AAAS: variants seen among roughly 807,000 people sequenced by gnomAD.
The protein encoded by AAAS is aladin.
In AAAS, 60 loss-of-function variants were observed where a neutral mutation model predicts 75.6. The observed-to-expected ratio is 0.79, with a 90% CI of 0.64 to 0.98. The LOEUF (loss-of-function observed/expected upper bound fraction) is 0.98, where lower values mean the gene tolerates loss of function less well. Ranked by LOEUF, AAAS falls within the 50% of genes least tolerant of loss-of-function variation. The pLI, the probability that AAAS is intolerant of heterozygous loss-of-function variation, is 0.00. For missense variants in AAAS, 658 were observed against 686.9 expected, an observed-to-expected ratio of 0.96 and a Z score of 0.47; for synonymous variants, 271 against 265.0, an observed-to-expected ratio of 1.02 and a Z score of -0.22.
intron 7 of AAAS, among the ~76,000 whole-genome samples, chr12:53,312,799 A>G (rs996994566): frequency 1.3e-5 from 2 of 149,056 alleles, no homozygotes; most frequent in Non-Finnish European, 3.0e-5. Flanking sequence ...ATATATATAT[A>G]CGTGTATATA....
intron 1 of AAAS, 110 bp downstream of exon 1, chr12:53,321,233 C>A (rs1262802876): frequency 3.3e-6 from 5 of 1,520,012 alleles, no homozygotes; most frequent in Admixed American, 1.9e-5. Context: ...CAAGCTGTTT[C>A]CACTCCGCCA....
chr12:53,307,982 T>C, intron 14 of AAAS, 53 bp from the exon 15 acceptor site: 1 of 1,612,418 alleles, frequency 6.2e-7, no homozygotes, highest in Non-Finnish European at 8.5e-7. Flanking sequence ...CTGAATGTAG[T>C]GGGATGTGGG....
rs1944318011 is a variant in AAAS, at chr12:53,307,983, G to A, written c.1332-54C>T. ...AGGCAAGAAGGGAGCTGAATGTAGT[G>A]GGATGTGGGTTTGTTTGTGCAGGAA... On this transcript the variant is annotated intron_variant, in intron 14 of 15. Coordinates refer to ENST00000209873, the MANE Select transcript of AAAS (RefSeq NM_015665.6). The A allele has an allele frequency of 2.5e-6, 4 of 1,612,406 alleles. No homozygotes were observed. In the South Asian group the frequency reaches 4.4e-5, roughly 18 times the overall value.
intron 2 of AAAS, among the ~76,000 whole-genome samples, chr12:53,319,023 T>C (rs946016273): frequency 2.0e-5 from 3 of 152,276 alleles, no homozygotes; most frequent in Admixed American, 6.5e-5. Flanking sequence ...GCACATGTGT[T>C]GGAAAACAGG....
At chr12:53,311,647 G>C (rs1375493025) in intron 7 of AAAS, among the ~76,000 whole-genome samples, 1 of 152,076 alleles carries the variant, frequency 6.6e-6, no homozygotes, top group Non-Finnish European at 1.5e-5. Flanking sequence ...AGTTGCAGCG[G>C]CTCATGCCTG....
In AAAS at chr12:53,314,358, G is replaced by A; in HGVS notation, c.629C>T (p.Ala210Val). 2 of 1,614,188 alleles carry A rather than the reference G, an allele frequency of 1.2e-6. No individual in the cohort carries two copies. The highest frequency in any genetic ancestry group is 1.7e-6 in the Non-Finnish European group (2 of 1,180,030). ...AWKPLSASVL[A>V]VACQSCILIW... ...AAGAATGCAGCTCTGGCAGGCCACAGCCAAGACAGAGGCACTAAGGGGCTT... is the reference window on the plus strand; with the variant it reads ...AAGAATGCAGCTCTGGCAGGCCACAACCAAGACAGAGGCACTAAGGGGCTT... Residue 210 changes from alanine (A) to valine (V), a missense_variant, in exon 7 of 16, where the codon GCT becomes GTT. By Grantham distance (64) the Ala-to-Val change is moderately conservative. Transcript: ENST00000209873.
chr12:53,319,334 T>C (rs368714138), intron 2 of AAAS, among the ~76,000 whole-genome samples: 14 of 151,910 alleles, frequency 9.2e-5, no homozygotes, highest in African/African-American at 2.9e-4. Flanking sequence ...GGAATAAAGG[T>C]GCATGCCACC....
chr12:53,319,046 C>T (rs1944511407), intron 2 of AAAS, among the ~76,000 whole-genome samples: 1 of 152,208 alleles, frequency 6.6e-6, no homozygotes, highest in South Asian at 2.1e-4. Context: ...CTCCCATACA[C>T]TGCTGGTGGG....
chr12:53,318,939 AAC>A (rs1944509450), intron 2 of AAAS, among the ~76,000 whole-genome samples: 2 of 152,152 alleles, frequency 1.3e-5, no homozygotes, highest in Non-Finnish European at 2.9e-5. Flanking sequence ...CTTTTCAACA[AAC>A]TGATATTCAA....
rs1944305442 is a variant in AAAS at position 53,307,565 on chromosome 12, G to T, written c.1565C>A (p.Ser522Tyr). The T allele has an allele frequency of 6.2e-7, 1 of 1,614,208 alleles. No individual in the cohort carries two copies. Among genetic ancestry groups the T allele is most frequent in the East Asian group, 2.2e-5 (1 of 44,888 alleles). Reference protein sequence around the residue: ...IHDLPLFTETSPTSAPWDPLP... With the variant: ...IHDLPLFTETYPTSAPWDPLP... ...AGGGTCCCAAGGGGCAGAGGTTGGG[G>T]ATGTCTCAGTAAAGAGGGGCAGGTC... The change falls in exon 16 of 16, where the codon TCC becomes TAC. Residue 522 changes from serine to tyrosine, a missense_variant. Coordinates refer to ENST00000209873, the MANE Select transcript of AAAS (RefSeq NM_015665.6).
chr12:53,309,804 A>T, intron 7 of AAAS, 83 bp from the exon 8 acceptor site: 1 of 1,569,446 alleles, frequency 6.4e-7, no homozygotes, highest in South Asian at 1.2e-5. Flanking sequence ...TCCTGCTAAA[A>T]CCTCCTATCC....
chr12:53,310,540 C>A (rs1944372779), intron 7 of AAAS, among the ~76,000 whole-genome samples: 1 of 146,402 alleles, frequency 6.8e-6, no homozygotes, highest in South Asian at 2.1e-4. Context: ...AGCCTGGCGA[C>A]AGAGCGAGAC....
intron 11 of AAAS, 67 bp downstream of exon 11, chr12:53,308,658 T>C (rs1378432901): frequency 6.2e-7 from 1 of 1,600,670 alleles, no homozygotes; most frequent in Admixed American, 1.7e-5. Context: ...CCCTCAGAGC[T>C]GCATCTTACC....
In AAAS at chr12:53,308,530, T is replaced by C. The variant is rs771163929; in HGVS notation, c.1088-2A>G. The C allele has an allele frequency of 1.2e-6, 2 of 1,614,158 alleles. No homozygotes were observed. The highest frequency in any genetic ancestry group is 1.7e-6 in the Non-Finnish European group (2 of 1,180,034). On this transcript the variant is annotated splice_acceptor_variant, in intron 11 of 15. Coordinates refer to ENST00000209873, the MANE Select transcript of AAAS (RefSeq NM_015665.6). LOFTEE classifies it high-confidence loss of function. Reference sequence around the variant, plus strand: ...CTCCAACGCACCCCTTTCCCTCACCTGTGGACAAATAAGAGCAGAGAGGTT... The same window carrying C: ...CTCCAACGCACCCCTTTCCCTCACCCGTGGACAAATAAGAGCAGAGAGGTT...
Position 53,308,536 on chromosome 12 carries a change from CAAAT to C in AAAS, c.1088-12_1088-9del, listed in dbSNP as rs1194052281. On this transcript the variant is annotated splice_polypyrimidine_tract_variant and intron_variant, in intron 11 of 15. Transcript: ENST00000209873. ...CGCACCCCTTTCCCTCACCTGTGGA[CAAAT>C]AAGAGCAGAGAGGTTCTTGCAAGAA... 18 of 1,614,004 alleles carry C rather than the reference CAAAT, an allele frequency of 1.1e-5. No homozygotes were observed. Among genetic ancestry groups the C allele is most frequent in the Non-Finnish European group, 1.4e-5 (17 of 1,180,046 alleles).
At position 53,314,684 on chromosome 12, in the gene AAAS, G is replaced by A. The variant is rs868401803; in HGVS notation, c.545+67C>T. ...AGGTTCAAGAACTACAGGACTCCCC[G>A]GAACCAAGGCTGGCAAGGGAAGGTG... On this transcript the variant is annotated intron_variant, in intron 6 of 15. Coordinates refer to ENST00000209873, the MANE Select transcript of AAAS (RefSeq NM_015665.6). 68 of 1,530,616 alleles carry A rather than the reference G, an allele frequency of 4.4e-5. 1 individual carries two copies. The Middle Eastern group carries it at 1.6e-3, about 35-fold the overall frequency. 94.8% of individuals were successfully genotyped at this position (1,530,616 alleles called of 1,614,324 possible). A position where few individuals can be genotyped will look rare whatever the true frequency, so the allele number is the denominator to read the frequency against.
chr12:53,309,050 AG>A, intron 9 of AAAS, 30 bp from the exon 10 acceptor site: 1 of 1,614,064 alleles, frequency 6.2e-7, no homozygotes, highest in African/African-American at 1.3e-5. Flanking sequence ...ATTACAGCTC[AG>A]GACCTCTAAG....
At position 53,307,647 on chromosome 12, in the gene AAAS, T is replaced by TA; in HGVS notation, c.1482dup (p.Ser495Ter). 6.2e-7 allele frequency: 1 copy of TA among 1,614,148 alleles called. No individual in the cohort carries two copies. Among genetic ancestry groups the TA allele is most frequent in the Non-Finnish European group, 8.5e-7 (1 of 1,180,034 alleles). ...TCCTGGGCCCGCCCAAGCACTGGGC[T>TA]AAAACGTGGAAACTGGGCATTGACA... On this transcript the variant is annotated frameshift_variant, in exon 16 of 16. Coordinates refer to ENST00000209873, the MANE Select transcript of AAAS (RefSeq NM_015665.6). LOFTEE classifies it high-confidence loss of function.
chr12:53,309,855 G>T, intron 7 of AAAS, 134 bp from the exon 8 acceptor site: 21 of 1,304,826 alleles, frequency 1.6e-5, no homozygotes, highest in East Asian at 2.7e-5. Flanking sequence ...TGTGAAAAAG[G>T]AATAAGGATT....
Sources: allele counts gnomAD v4.1 joint callset (sites outside exome capture counted in the v4.1 genomes callset), GRCh38; gene constraint gnomAD v4.1.1; transcripts MANE v1.5; gene names NCBI Gene and HGNC (gene_info 2026-07-23, HGNC 2026-07-21).